SLC6A20: variants seen among roughly 807,000 people sequenced by gnomAD.
SLC6A20 encodes solute carrier family 6 member 20.
Under a neutral mutation model 64.3 loss-of-function variants are expected in SLC6A20, and 73 were observed. The observed-to-expected ratio is 1.14, with a 90% CI of 0.94 to 1.38. The LOEUF (loss-of-function observed/expected upper bound fraction) is 1.38, where lower values mean the gene tolerates loss of function less well. Among genes scored for constraint, SLC6A20 ranks in the 40% most tolerant of loss-of-function variants. The pLI, the probability that SLC6A20 is intolerant of heterozygous loss-of-function variation, is 0.00. For missense variants in SLC6A20, 725 were observed against 772.8 expected (o/e 0.94, Z 0.73); for synonymous variants, 347 against 329.6 (o/e 1.05, Z -0.57).
At chr3:45,761,756 TG>T (rs1259002429) in intron 9 of SLC6A20, among the ~76,000 whole-genome samples, 2 of 152,200 alleles carry the variant, frequency 1.3e-5, no homozygotes, top group Non-Finnish European at 1.5e-5. Flanking sequence ...AGTCTGGAAA[TG>T]CTGCAATTCT....
rs762073472 is a variant in SLC6A20 at position 45,770,343 on chromosome 3, CA to C, written c.963del (p.Phe321LeufsTer8). 129 of 1,614,160 alleles carry C rather than the reference CA, an allele frequency of 8.0e-5. No homozygotes were observed. Among genetic ancestry groups the C allele is most frequent in the Non-Finnish European group, 1.0e-4 (123 of 1,180,046 alleles). On this transcript the variant is annotated frameshift_variant, in exon 7 of 11. Coordinates refer to ENST00000358525, the MANE Select transcript of SLC6A20 (RefSeq NM_020208.4). LOFTEE classifies it high-confidence loss of function. ...GCTGTCAAAAAGCCATCTTCAAGGT[CA>C]AAAGTGTTGGTCAGCAGCAGACTCA... ...KKVSLLLTNTFDLEDGFLTAS... is the reference protein window; with the variant it reads ...KKVSLLLTNTXDLEDGFLTAS...
chr3:45,783,626 G>T (rs1032990726), intron 1 of SLC6A20, among the ~76,000 whole-genome samples: 2 of 152,232 alleles, frequency 1.3e-5, no homozygotes, highest in African/African-American at 4.8e-5. Context: ...ACTTGTTTGT[G>T]TATTTCCTTG....
rs190773834 is a variant in SLC6A20, at chr3:45,759,726, T to G, written c.1629+131A>C. 2.1e-4 allele frequency: 244 copies of G among 1,189,604 alleles called. No individual in the cohort carries two copies. In the African/African-American group the frequency reaches 3.4e-3, roughly 16 times the overall value. The allele number at this position is 1,189,604 out of a possible 1,614,324, so 73.7% of individuals were successfully genotyped here. On this transcript the variant is annotated intron_variant, in intron 10 of 10. Transcript: ENST00000358525. ...CTGGACTATTTCTAAAATACCTCAG[T>G]GATATTTCCATGTCGTGACAAATAA...
rs1699523588 is a variant in SLC6A20, at chr3:45,755,454, A to G, written c.*3524T>C. ...CAAAACCCAAAACCAAAAACTGTAG[A>G]TACACTTGCTTAGAGTTTTATTTAC... On this transcript the variant is annotated 3_prime_UTR_variant, in exon 11 of 11. Transcript: ENST00000358525. 1 of 152,228 alleles carries G rather than the reference A, an allele frequency of 6.6e-6. No homozygotes were observed. The highest frequency in any genetic ancestry group is 1.5e-5 in the Non-Finnish European group (1 of 68,034). 9.4% of individuals were successfully genotyped at this position (152,228 alleles called of 1,614,324 possible). A position where few individuals can be genotyped will look rare whatever the true frequency, so the allele number is the denominator to read the frequency against.
Position 45,782,095 on chromosome 3 carries a change from G to A in SLC6A20, c.250C>T (p.Leu84Phe). 1 of 1,611,304 alleles carries A rather than the reference G, an allele frequency of 6.2e-7. No individual in the cohort carries two copies. The highest frequency in any genetic ancestry group is 8.5e-7 in the Non-Finnish European group (1 of 1,178,708). Residue 84 changes from leucine to phenylalanine, a missense_variant, in exon 2 of 11, where the codon CTC becomes TTC. Transcript: ENST00000358525. The part of the protein sequence containing the change: ...IGAWRTISPY[L>F]SGVGVASVVV... ...GGGCCCCACGTACCGACACCACTGA[G>A]GTACGGGCTGATGGTCCTCCAGGCG...
intron 2 of SLC6A20, among the ~76,000 whole-genome samples, chr3:45,780,996 G>C (rs1427048807): frequency 6.6e-6 from 1 of 152,204 alleles, no homozygotes; most frequent in Non-Finnish European, 1.5e-5. Flanking sequence ...TATTCAGGCA[G>C]ATTGTAAAAC....
chr3:45,761,058 C>G (rs111741390), intron 9 of SLC6A20, among the ~76,000 whole-genome samples: 1 of 152,140 alleles, frequency 6.6e-6, no homozygotes, highest in African/African-American at 2.4e-5. Context: ...GGTGTCCATG[C>G]GAGGCTGTGT....
At chr3:45,787,395 A>T (rs779405145) in intron 1 of SLC6A20, among the ~76,000 whole-genome samples, 3 of 151,500 alleles carry the variant, frequency 2.0e-5, no homozygotes, top group Non-Finnish European at 4.4e-5. Flanking sequence ...GCCATCTTGG[A>T]CTCCTTACCC....
At chr3:45,795,231 C>A (rs1416617989) in intron 1 of SLC6A20, among the ~76,000 whole-genome samples, 1 of 152,178 alleles carries the variant, frequency 6.6e-6, no homozygotes, top group Non-Finnish European at 1.5e-5. Context: ...CTTTTCTCTG[C>A]ATATTTTTAA....
At chr3:45,794,351 A>C (rs1035215288) in intron 1 of SLC6A20, among the ~76,000 whole-genome samples, 1 of 152,252 alleles carries the variant, frequency 6.6e-6, no homozygotes, top group East Asian at 1.9e-4. Flanking sequence ...TGCCAAGTGG[A>C]CTGTTCGGTC....
chr3:45,759,099 G>A lies in SLC6A20; in HGVS notation c.1658C>T (p.Ala553Val), dbSNP rs751349431. The change falls in exon 11 of 11, where the codon GCC becomes GTC. Residue 553 changes from alanine to valine, a missense_variant. Coordinates refer to ENST00000358525, the MANE Select transcript of SLC6A20 (RefSeq NM_020208.4). ...CAGCCCGATGACAGCCAGTGCATAGGCCGGGTAATCTTTGGTCACGAGCTG... is the reference window on the plus strand; with the variant it reads ...CAGCCCGATGACAGCCAGTGCATAGACCGGGTAATCTTTGGTCACGAGCTG... ...QGQLVTKDYPAYALAVIGLLV... is the reference protein window; with the variant it reads ...QGQLVTKDYPVYALAVIGLLV... 1.9e-6 allele frequency: 3 copies of A among 1,611,930 alleles called. No individual in the cohort carries two copies. The highest frequency in any genetic ancestry group is 1.7e-6 in the Non-Finnish European group (2 of 1,179,424).
chr3:45,786,742 G>A (rs902438289), intron 1 of SLC6A20, among the ~76,000 whole-genome samples: 1 of 152,202 alleles, frequency 6.6e-6, no homozygotes, highest in African/African-American at 2.4e-5. Context: ...TGCCACACTG[G>A]TTGCCAGATG....
At chr3:45,784,028 T>C (rs1184113261) in intron 1 of SLC6A20, among the ~76,000 whole-genome samples, 1 of 152,250 alleles carries the variant, frequency 6.6e-6, no homozygotes, top group African/African-American at 2.4e-5. Flanking sequence ...AAGATAATCC[T>C]GTTTTTACGC....
At chr3:45,764,967 C>CT (rs1330988485) in intron 8 of SLC6A20, among the ~76,000 whole-genome samples, 1 of 151,852 alleles carries the variant, frequency 6.6e-6, no homozygotes, top group African/African-American at 2.4e-5. Flanking sequence ...AATCCCAGCA[C>CT]TTTCGGAGGC....
intron 1 of SLC6A20, among the ~76,000 whole-genome samples, chr3:45,784,913 C>A (rs1700147572): frequency 6.6e-6 from 1 of 152,076 alleles, no homozygotes; most frequent in African/African-American, 2.4e-5. Context: ...CAAGAGGGGG[C>A]TGAACTCTCT....
rs1321991927 is a variant in SLC6A20 at position 45,771,435 on chromosome 3, C to T, written c.717G>A (p.Lys239=). 3.1e-6 allele frequency: 5 copies of T among 1,614,236 alleles called. No individual in the cohort carries two copies. The highest frequency in any genetic ancestry group is 4.2e-6 in the Non-Finnish European group (5 of 1,180,042). The change falls in exon 6 of 11, where the codon AAG becomes AAA. Residue 239 remains lysine (K), a synonymous_variant. Coordinates refer to ENST00000358525, the MANE Select transcript of SLC6A20 (RefSeq NM_020208.4). ...TPKIEQLANP[K]AWINAATQIF... is the part of the protein sequence containing the mutation. ...TCTGGGTGGCTGCATTGATCCAGGC[C>T]TTGGGGTTGGCCAGCTGCTCTATCT...
At chr3:45,789,834 C>T (rs1700220572) in intron 1 of SLC6A20, among the ~76,000 whole-genome samples, 1 of 152,134 alleles carries the variant, frequency 6.6e-6, no homozygotes, top group Non-Finnish European at 1.5e-5. Flanking sequence ...TCAAGTGATC[C>T]TCCTGCCTCG....
chr3:45,775,848 A>AC lies in SLC6A20; in HGVS notation c.494dup (p.Val166CysfsTer102). On this transcript the variant is annotated frameshift_variant, in exon 4 of 11. Coordinates refer to ENST00000358525, the MANE Select transcript of SLC6A20 (RefSeq NM_020208.4). LOFTEE classifies it high-confidence loss of function. ...GGCACAGCGCCGGCTCCCACTGCAC[A>AC]CCCCCGTTCTCCTGGAGGGACGGCG... 2 of 1,613,656 alleles carry AC rather than the reference A, an allele frequency of 1.2e-6. No individual in the cohort carries two copies.
intron 5 of SLC6A20, chr3:45,771,805 T>C: frequency 3.0e-6 from 1 of 338,070 alleles, no homozygotes. Flanking sequence ...AGGTGTGCAA[T>C]GGAATACTGC....
Sources: allele counts gnomAD v4.1 joint callset (sites outside exome capture counted in the v4.1 genomes callset), GRCh38; gene constraint gnomAD v4.1.1; transcripts MANE v1.5; gene names NCBI Gene and HGNC (gene_info 2026-07-23, HGNC 2026-07-21).